The following PCDH9 variants were observed in gnomAD, a reference collection of about 807,000 sequenced individuals.
PCDH9 encodes the protein protocadherin-9.
PCDH9 carries 24 observed loss-of-function variants against 70.6 expected under a neutral mutation model. That is an observed-to-expected ratio of 0.34 (90% confidence interval 0.25 to 0.48). PCDH9 has a LOEUF of 0.48. PCDH9 is among the 20% of genes least tolerant of loss of function. The probability of loss-of-function intolerance (pLI) is 0.99; values close to 1 mark genes in which losing one functional copy is unlikely to be tolerated. For synonymous variants in PCDH9, 562 were observed against 558.5 expected (o/e 1.01, Z -0.09); for missense variants, 1,281 against 1,503.6 (o/e 0.85, Z 2.45).
chr13:66,456,415 C>A (rs1365395591), intron 4 of PCDH9, among the ~76,000 whole-genome samples: 2 of 152,044 alleles, frequency 1.3e-5, no homozygotes, highest in Non-Finnish European at 2.9e-5. Flanking sequence ...AGGTATACCA[C>A]CACACCTAGC....
At chr13:66,970,247 A>G (rs1361121574) in intron 2 of PCDH9, among the ~76,000 whole-genome samples, 1 of 152,040 alleles carries the variant, frequency 6.6e-6, no homozygotes, top group Non-Finnish European at 1.5e-5. Flanking sequence ...AGAACCTAAA[A>G]AATAATTTGT....
At chr13:66,385,653 C>T (rs1956915712) in intron 4 of PCDH9, among the ~76,000 whole-genome samples, 1 of 151,904 alleles carries the variant, frequency 6.6e-6, no homozygotes, top group African/African-American at 2.4e-5. Context: ...TTCATTATTC[C>T]TTCTTATTAT....
intron 2 of PCDH9, among the ~76,000 whole-genome samples, chr13:66,994,859 T>C (rs2084079636): frequency 6.6e-6 from 1 of 152,248 alleles, no homozygotes; most frequent in Non-Finnish European, 1.5e-5. Flanking sequence ...ATATTTGGTA[T>C]GCCTCATCTA....
intron 2 of PCDH9, among the ~76,000 whole-genome samples, chr13:67,185,785 T>G (rs2088739481): frequency 6.6e-6 from 1 of 152,204 alleles, no homozygotes. Context: ...CAGGCTGGAG[T>G]GCAATGGCAC....
At chr13:66,781,808 A>G (rs1008643400) in intron 3 of PCDH9, among the ~76,000 whole-genome samples, 1 of 152,194 alleles carries the variant, frequency 6.6e-6, no homozygotes, top group Non-Finnish European at 1.5e-5. Context: ...GCACATAAGT[A>G]ATGAACTTAC....
At chr13:66,471,069 T>G (rs78800680) in intron 4 of PCDH9, among the ~76,000 whole-genome samples, 3,918 of 151,912 alleles carry the variant, frequency 0.026, 157 homozygotes, top group African/African-American at 0.09. Flanking sequence ...GGGGAAATGA[T>G]TCCTTATCGT....
intron 4 of PCDH9, among the ~76,000 whole-genome samples, chr13:66,336,096 T>C (rs182588624): frequency 1.7e-4 from 26 of 152,082 alleles, no homozygotes; most frequent in African/African-American, 5.5e-4. Context: ...ATAAATGAGA[T>C]ATGAAAGGCC....
chr13:67,141,195 C>T (rs1484583773), intron 2 of PCDH9, among the ~76,000 whole-genome samples: 1 of 152,022 alleles, frequency 6.6e-6, no homozygotes, highest in Non-Finnish European at 1.5e-5. Flanking sequence ...GAGAAGAGCA[C>T]ATATGCAATA....
intron 4 of PCDH9, among the ~76,000 whole-genome samples, chr13:66,315,670 G>A (rs986690039): frequency 3.3e-5 from 5 of 152,014 alleles, no homozygotes; most frequent in East Asian, 1.9e-4. Context: ...TAATAGTGAC[G>A]GGGTTTCTCC....
At chr13:66,443,031 A>G (rs574948221) in intron 4 of PCDH9, among the ~76,000 whole-genome samples, 26 of 152,358 alleles carry the variant, frequency 1.7e-4, no homozygotes, top group East Asian at 1.2e-3. Flanking sequence ...ACAAGTGCCA[A>G]TTGAAGCCTG....
At chr13:66,454,138 AAGACTT>A (rs1172989677) in intron 4 of PCDH9, among the ~76,000 whole-genome samples, 4 of 152,056 alleles carry the variant, frequency 2.6e-5, no homozygotes, top group Non-Finnish European at 5.9e-5. Context: ...GTCCCCAAAT[AAGACTT>A]GTTTTTTTCT....
intron 2 of PCDH9, among the ~76,000 whole-genome samples, chr13:67,016,320 C>T (rs1378884859): frequency 6.6e-6 from 1 of 152,182 alleles, no homozygotes; most frequent in African/African-American, 2.4e-5. Flanking sequence ...CTCTGAATTT[C>T]CGTTCATTAA....
chr13:66,529,251 G>A (rs556232623), intron 4 of PCDH9, among the ~76,000 whole-genome samples: 2 of 152,192 alleles, frequency 1.3e-5, no homozygotes, highest in East Asian at 3.9e-4. Flanking sequence ...AATACTGACA[G>A]GCTGAAAAGG....
At chr13:66,502,592 A>T (rs1433362699) in intron 4 of PCDH9, among the ~76,000 whole-genome samples, 3 of 152,170 alleles carry the variant, frequency 2.0e-5, no homozygotes, top group Non-Finnish European at 4.4e-5. Context: ...TTGTAAAAGG[A>T]TGTGAAGGCT....
chr13:66,719,709 G>A (rs1593948825), intron 3 of PCDH9, among the ~76,000 whole-genome samples: 1 of 152,142 alleles, frequency 6.6e-6, no homozygotes, highest in South Asian at 2.1e-4. Flanking sequence ...ATAGCCAAAC[G>A]TTTGTATCAA....
At chr13:66,861,184 T>C (rs985769974) in intron 3 of PCDH9, among the ~76,000 whole-genome samples, 1 of 152,224 alleles carries the variant, frequency 6.6e-6, no homozygotes, top group African/African-American at 2.4e-5. Context: ...ATAGTACTCT[T>C]GTGACCCAAG....
chr13:66,501,235 T>G (rs117610027), intron 4 of PCDH9, among the ~76,000 whole-genome samples: 1 of 152,088 alleles, frequency 6.6e-6, no homozygotes, highest in Non-Finnish European at 1.5e-5. Flanking sequence ...GTCAAGTTCT[T>G]GCACTGCTTT....
intron 4 of PCDH9, among the ~76,000 whole-genome samples, chr13:66,479,636 A>G (rs1200864706): frequency 1.3e-5 from 2 of 150,410 alleles, no homozygotes; most frequent in South Asian, 2.1e-4. Context: ...GTCTAGCTAA[A>G]GGATTGTAAA....
chr13:67,119,484 A>G (rs1566436975), intron 2 of PCDH9, among the ~76,000 whole-genome samples: 1 of 152,192 alleles, frequency 6.6e-6, no homozygotes, highest in Admixed American at 6.5e-5. Context: ...GACATTGTCT[A>G]ATATAAGGTA....
Sources: gnomAD v4.1 joint callset for allele counts (sites outside exome capture counted in the v4.1 genomes callset) on GRCh38, gnomAD v4.1.1 for gene constraint, MANE v1.5 for transcripts, NCBI Gene and HGNC (gene_info 2026-07-23, HGNC 2026-07-21) for gene names.